The following AUTS2 variants were observed in gnomAD, a reference collection of about 807,000 sequenced individuals.
AUTS2 encodes the protein autism susceptibility gene 2 protein.
A neutral mutation model predicts 112.4 loss-of-function variants in AUTS2; 17 were observed. The observed-to-expected ratio is 0.15, with a 90% CI of 0.10 to 0.23. AUTS2 has a LOEUF of 0.23. AUTS2 is among the 10% of genes least tolerant of loss of function. The probability of loss-of-function intolerance (pLI) is 1.00; values close to 1 mark genes in which losing one functional copy is unlikely to be tolerated. For synonymous variants in AUTS2, 751 were observed against 702.7 expected, an observed-to-expected ratio of 1.07 and a Z score of -1.09; for missense variants, 1,510 against 1,701.6, an observed-to-expected ratio of 0.89 and a Z score of 1.98.
chr7:69,784,399 G>A (rs1789275484), intron 1 of AUTS2, among the ~76,000 whole-genome samples: 1 of 152,202 alleles, frequency 6.6e-6, no homozygotes, highest in Admixed American at 6.5e-5. Context: ...TTTGGATGGA[G>A]TCCAACCTTC....
chr7:70,269,664 G>GA (rs758576648), intron 4 of AUTS2, among the ~76,000 whole-genome samples: 1 of 152,182 alleles, frequency 6.6e-6, no homozygotes, highest in Non-Finnish European at 1.5e-5. Flanking sequence ...AAAGCACTTA[G>GA]AACGCTTTAA....
intron 1 of AUTS2, among the ~76,000 whole-genome samples, chr7:69,870,448 A>AATATATATATATATAT (rs11467258): frequency 0.027 from 2,155 of 78,922 alleles, 127 homozygotes; most frequent in East Asian, 0.028. Context: ...ATGTGTGTGT[A>AATATATATATATATAT]ATATATATAT....
chr7:70,623,859 TG>T (rs1804803000), intron 5 of AUTS2, among the ~76,000 whole-genome samples: 2 of 152,046 alleles, frequency 1.3e-5, no homozygotes, highest in African/African-American at 4.8e-5. Flanking sequence ...CTGTCAGAAA[TG>T]GGCCACAATT....
In AUTS2 at chr7:70,762,566, C is replaced by T. The variant is rs886700240; in HGVS notation, c.743-304C>T. On this transcript the variant is annotated intron_variant, in intron 6 of 18. Transcript: ENST00000342771. ...TACAGGTGTGAGCCCCTATGCCTGG[C>T]GCTAGGCTACTTTCTTGAATGCAGT... 5.3e-5 allele frequency among the ~76,000 whole-genome samples: 8 copies of T among 152,170 alleles called. No individual in the cohort carries two copies. The East Asian group carries it at 1.5e-3, about 29-fold the overall frequency.
intron 1 of AUTS2, among the ~76,000 whole-genome samples, chr7:69,811,518 ATTACC>A (rs1404985226): frequency 6.6e-6 from 1 of 151,978 alleles, no homozygotes; most frequent in African/African-American, 2.4e-5. Flanking sequence ...ATTTCTATTC[ATTACC>A]TTCATGCTCC....
At chr7:70,068,178 CTTT>C (rs774140092) in intron 2 of AUTS2, among the ~76,000 whole-genome samples, 2 of 137,726 alleles carry the variant, frequency 1.5e-5, no homozygotes, top group Non-Finnish European at 1.6e-5. Flanking sequence ...TTTTTTTTTT[CTTT>C]TTTTTTTTTT....
At chr7:70,136,574 A>G (rs1806574463) in intron 4 of AUTS2, among the ~76,000 whole-genome samples, 1 of 152,178 alleles carries the variant, frequency 6.6e-6, no homozygotes, top group Non-Finnish European at 1.5e-5. Context: ...CTTTGCCAAC[A>G]TATTATTTAC....
intron 14 of AUTS2, among the ~76,000 whole-genome samples, chr7:70,777,702 T>C (rs1176111899): frequency 6.6e-6 from 1 of 152,206 alleles, no homozygotes. Flanking sequence ...AAACTGATAA[T>C]GCCCCAGGGT....
chr7:70,591,899 C>T (rs2129528558), intron 5 of AUTS2, among the ~76,000 whole-genome samples: 1 of 152,312 alleles, frequency 6.6e-6, no homozygotes. Context: ...AGCCACCAGA[C>T]ATGTAGAAAC....
chr7:70,208,906 A>C (rs1451225799), intron 4 of AUTS2, among the ~76,000 whole-genome samples: 1 of 152,062 alleles, frequency 6.6e-6, no homozygotes, highest in East Asian at 1.9e-4. Flanking sequence ...GAGATAAAGG[A>C]AGATGAGTCA....
At chr7:69,903,983 A>T (rs1377959569) in intron 2 of AUTS2, among the ~76,000 whole-genome samples, 1 of 152,242 alleles carries the variant, frequency 6.6e-6, no homozygotes, top group Non-Finnish European at 1.5e-5. Flanking sequence ...TGTAGACACC[A>T]AAAGTGTCTA....
chr7:70,508,027 T>G (rs1799037719), intron 5 of AUTS2, among the ~76,000 whole-genome samples: 2 of 152,322 alleles, frequency 1.3e-5, no homozygotes, highest in South Asian at 4.1e-4. Context: ...TTAGTGACAA[T>G]CACACTCTCT....
intron 4 of AUTS2, among the ~76,000 whole-genome samples, chr7:70,358,362 C>A (rs911624603): frequency 3.9e-5 from 6 of 152,252 alleles, no homozygotes; most frequent in African/African-American, 1.2e-4. Flanking sequence ...GGCAAGCATA[C>A]ACATGGAGGC....
At chr7:70,152,751 A>G (rs1047605724) in intron 4 of AUTS2, among the ~76,000 whole-genome samples, 6 of 152,130 alleles carry the variant, frequency 3.9e-5, no homozygotes, top group African/African-American at 1.4e-4. Flanking sequence ...ACATGAAAAG[A>G]TGCTTTACAT....
intron 2 of AUTS2, among the ~76,000 whole-genome samples, chr7:69,987,285 G>C (rs1484281059): frequency 6.6e-6 from 1 of 152,200 alleles, no homozygotes; most frequent in Non-Finnish European, 1.5e-5. Flanking sequence ...ACATATGACA[G>C]TGAAATGCAG....
intron 1 of AUTS2, among the ~76,000 whole-genome samples, chr7:69,714,834 T>C (rs1363584955): frequency 6.6e-6 from 1 of 152,112 alleles, no homozygotes; most frequent in Non-Finnish European, 1.5e-5. Context: ...TAATTCACAG[T>C]CATTCTCCAT....
intron 1 of AUTS2, among the ~76,000 whole-genome samples, chr7:69,752,653 C>T (rs770129206): frequency 1.3e-5 from 2 of 152,106 alleles, no homozygotes; most frequent in Admixed American, 1.3e-4. Context: ...GCGGTTGACT[C>T]GTGGGTGAAT....
intron 5 of AUTS2, among the ~76,000 whole-genome samples, chr7:70,616,753 G>GTTTTTTTTT (rs67691820): frequency 9.1e-5 from 12 of 131,272 alleles, no homozygotes; most frequent in East Asian, 4.6e-4. Context: ...GTGTCGAATA[G>GTTTTTTTTT]TTTTTTTTTT....
At chr7:70,358,842 C>T (rs147612576) in intron 4 of AUTS2, among the ~76,000 whole-genome samples, 2,385 of 152,282 alleles carry the variant, frequency 0.016, 31 homozygotes, top group Middle Eastern at 0.051. Flanking sequence ...CACTTCATGT[C>T]CTGCAAAAAT....
Sources: gnomAD v4.1 joint callset for allele counts (sites outside exome capture counted in the v4.1 genomes callset) on GRCh38, gnomAD v4.1.1 for gene constraint, MANE v1.5 for transcripts, NCBI Gene and HGNC (gene_info 2026-07-23, HGNC 2026-07-21) for gene names.